COL8A1: variants seen among roughly 807,000 people sequenced by gnomAD.
COL8A1 encodes collagen type VIII alpha 1 chain, also known as collagen alpha-1(VIII) chain.
A neutral mutation model predicts 42.7 loss-of-function variants in COL8A1; 21 were observed. The ratio of observed to expected loss-of-function variants is 0.49; its 90% CI spans 0.35 to 0.71. The LOEUF is 0.71. Among genes scored for constraint, COL8A1 ranks in the 30% least tolerant of loss-of-function variants. COL8A1 has a pLI of 0.01. For missense variants in COL8A1, 788 were observed against 962.4 expected (o/e 0.82, Z 2.40); for synonymous variants, 367 against 369.1 (o/e 0.99, Z 0.06).
At chr3:99,778,997 T>C (rs1941745188) in intron 2 of COL8A1, among the ~76,000 whole-genome samples, 2 of 152,226 alleles carry the variant, frequency 1.3e-5, no homozygotes, top group South Asian at 4.1e-4. Context: ...AACCAGCTTC[T>C]AGAATTTATC....
intron 1 of COL8A1, among the ~76,000 whole-genome samples, chr3:99,644,908 CT>C (rs1937615344): frequency 1.3e-5 from 2 of 152,190 alleles, no homozygotes; most frequent in Admixed American, 1.3e-4. Flanking sequence ...GATAAAACAG[CT>C]GCTTTTTGGA....
chr3:99,780,307 G>A (rs990164706), intron 2 of COL8A1, among the ~76,000 whole-genome samples: 5 of 152,202 alleles, frequency 3.3e-5, no homozygotes, highest in Admixed American at 1.3e-4. Context: ...ATAAGTGATG[G>A]AATCAGGATT....
chr3:99,790,624 C>T (rs1941983014), intron 2 of COL8A1, 56 bp from the exon 3 acceptor site: 1 of 1,447,206 alleles, frequency 6.9e-7, no homozygotes, highest in African/African-American at 1.4e-5. Flanking sequence ...TAAATAAACT[C>T]AAGTCACTTG....
At chr3:99,714,130 C>T (rs1009504558) in intron 1 of COL8A1, among the ~76,000 whole-genome samples, 2 of 152,074 alleles carry the variant, frequency 1.3e-5, no homozygotes, top group Non-Finnish European at 2.9e-5. Context: ...TCTCCCTGGA[C>T]GTGTCTAAAA....
intron 2 of COL8A1, among the ~76,000 whole-genome samples, chr3:99,773,823 A>ATATATATATATATATATAT: frequency 1.6e-5 from 1 of 62,980 alleles, no homozygotes; most frequent in Non-Finnish European, 3.2e-5. Context: ...GTGTATATAT[A>ATATATATATATATATATAT]TATATATATA....
chr3:99,726,240 G>T (rs1270335220), intron 1 of COL8A1, among the ~76,000 whole-genome samples: 1 of 152,044 alleles, frequency 6.6e-6, no homozygotes, highest in African/African-American at 2.4e-5. Flanking sequence ...TTCGTATCCT[G>T]CACCCACTTT....
chr3:99,721,011 G>A (rs1418032378), intron 1 of COL8A1, among the ~76,000 whole-genome samples: 2 of 151,890 alleles, frequency 1.3e-5, no homozygotes, highest in African/African-American at 4.8e-5. Flanking sequence ...GAAGACAGGT[G>A]AACCAAAGGA....
chr3:99,721,368 A>AT (rs1252055101), intron 1 of COL8A1, among the ~76,000 whole-genome samples: 2 of 83,748 alleles, frequency 2.4e-5, no homozygotes, highest in Non-Finnish European at 5.0e-5. Flanking sequence ...CACAATTTAG[A>AT]CAAAAAAAAA....
At chr3:99,679,139 CT>C (rs1938789869) in intron 1 of COL8A1, 1 of 152,182 alleles carries the variant, frequency 6.6e-6, no homozygotes, top group Non-Finnish European at 1.5e-5. Flanking sequence ...AAGATTGTTT[CT>C]TTCTGAGCCA....
chr3:99,667,223 T>C (rs1203127544), intron 1 of COL8A1, among the ~76,000 whole-genome samples: 1 of 152,178 alleles, frequency 6.6e-6, no homozygotes, highest in Non-Finnish European at 1.5e-5. Context: ...TCCTTTGGGT[T>C]CCTTGTTTTG....
intron 1 of COL8A1, among the ~76,000 whole-genome samples, chr3:99,716,611 G>A (rs1417736105): frequency 6.6e-6 from 1 of 151,966 alleles, no homozygotes; most frequent in Non-Finnish European, 1.5e-5. Context: ...AAACGTAGTA[G>A]GTGTCCTTCC....
At chr3:99,756,709 C>T (rs145291075) in intron 2 of COL8A1, among the ~76,000 whole-genome samples, 277 of 152,296 alleles carry the variant, frequency 1.8e-3, no homozygotes, top group African/African-American at 6.3e-3. Flanking sequence ...CAGGCAGCTA[C>T]GCTGTGCTGA....
At chr3:99,755,524 A>G (rs1044114129) in intron 2 of COL8A1, among the ~76,000 whole-genome samples, 1 of 152,174 alleles carries the variant, frequency 6.6e-6, no homozygotes, top group Non-Finnish European at 1.5e-5. Context: ...GAGTTGATAA[A>G]TGTGAATATA....
chr3:99,794,536 G>A lies in COL8A1; in HGVS notation c.635G>A (p.Gly212Glu). ...CTTCCTGGCATTGGGAAGCCAGGTG[G>A]GCCAGGGTTACCAGGGCAACCAGGA... ...HGLPGIGKPG[G>E]PGLPGQPGPK... Residue 212 changes from glycine (G) to glutamate (E), a missense_variant, in exon 4 of 4, where the codon GGG (glycine) becomes GAG (glutamate). This residue lies in a region of COL8A1 where 421 missense variants were observed against 553.1 expected (regional missense o/e 0.76). Transcript: ENST00000652472. This position sits in a 1 kb window ranked among gnomAD's most constrained non-coding sequence, Gnocchi z 4.3. 6.2e-7 allele frequency: 1 copy of A among 1,614,012 alleles called. No individual in the cohort carries two copies. Among genetic ancestry groups the A allele is most frequent in the South Asian group, 1.1e-5 (1 of 91,080 alleles).
chr3:99,752,235 CATCTGTA>C (rs1430356398), intron 2 of COL8A1, among the ~76,000 whole-genome samples: 12 of 152,128 alleles, frequency 7.9e-5, no homozygotes, highest in Non-Finnish European at 4.4e-5. Flanking sequence ...TGTTCATTGT[CATCTGTA>C]AAGTAGAAAT....
At chr3:99,779,394 A>G (rs1941751950) in intron 2 of COL8A1, among the ~76,000 whole-genome samples, 2 of 152,214 alleles carry the variant, frequency 1.3e-5, no homozygotes, top group African/African-American at 4.8e-5. Flanking sequence ...TTATATATGT[A>G]TTACTTGTGG....
chr3:99,710,253 G>A (rs953224210), intron 1 of COL8A1, among the ~76,000 whole-genome samples: 1 of 152,034 alleles, frequency 6.6e-6, no homozygotes, highest in Non-Finnish European at 1.5e-5. Flanking sequence ...TTTTGCCTGC[G>A]CTACTCACCA....
chr3:99,670,562 T>A (rs917488481), intron 1 of COL8A1, among the ~76,000 whole-genome samples: 1 of 152,084 alleles, frequency 6.6e-6, no homozygotes, highest in African/African-American at 2.4e-5. Flanking sequence ...CAGTGTGGAA[T>A]GATTAAACCA....
At chr3:99,763,959 C>T (rs1473603019) in intron 2 of COL8A1, among the ~76,000 whole-genome samples, 2 of 152,188 alleles carry the variant, frequency 1.3e-5, no homozygotes, top group Non-Finnish European at 2.9e-5. Context: ...ATCTACTCCG[C>T]CAGGCTTCCC....
Sources: allele counts gnomAD v4.1 joint callset (sites outside exome capture counted in the v4.1 genomes callset), GRCh38; gene constraint gnomAD v4.1.1; regional missense constraint gnomAD v4.1.1; non-coding constraint Gnocchi (gnomAD v3.1); transcripts MANE v1.5; gene names NCBI Gene and HGNC (gene_info 2026-07-23, HGNC 2026-07-21).